PARP2: variants seen among roughly 807,000 people sequenced by gnomAD.
PARP2 encodes poly [ADP-ribose] polymerase 2.
In PARP2, 57 loss-of-function variants were observed where a neutral mutation model predicts 77.8. That is an observed-to-expected ratio of 0.73 (90% CI 0.59 to 0.91). The LOEUF (loss-of-function observed/expected upper bound fraction) is 0.91, where lower values mean the gene tolerates loss of function less well. PARP2 is among the 40% of genes least tolerant of loss of function. The probability of loss-of-function intolerance (pLI) is 0.00; values close to 1 mark genes in which losing one functional copy is unlikely to be tolerated. For synonymous variants in PARP2, 226 were observed against 242.6 expected (o/e 0.93, Z 0.64); for missense variants, 651 against 689.0 (o/e 0.94, Z 0.62).
intron 8 of PARP2, 183 bp from the exon 9 acceptor site, chr14:20,354,618 CCCAGGAGG>C (rs1398733169): frequency 6.9e-6 from 4 of 581,420 alleles, no homozygotes; most frequent in Non-Finnish European, 1.2e-5. Context: ...ATCACCGGAG[CCCAGGAGG>C]TTGAACTGCA....
intron 4 of PARP2, among the ~76,000 whole-genome samples, chr14:20,348,648 C>T (rs766759290): frequency 6.6e-6 from 1 of 152,200 alleles, no homozygotes; most frequent in Non-Finnish European, 1.5e-5. Flanking sequence ...ATTGATCCAA[C>T]ATATATAATT....
intron 6 of PARP2, among the ~76,000 whole-genome samples, chr14:20,351,801 G>A (rs1191440190): frequency 2.0e-5 from 3 of 151,956 alleles, no homozygotes; most frequent in Non-Finnish European, 4.4e-5. Flanking sequence ...ATTGCTTGAA[G>A]CTAGGAGTTT....
intron 3 of PARP2, among the ~76,000 whole-genome samples, chr14:20,346,289 C>G (rs1883714080): frequency 6.9e-6 from 1 of 145,394 alleles, no homozygotes. Flanking sequence ...AAGGCTACCT[C>G]TGGAATAAGT....
At chr14:20,355,388 C>T in intron 9 of PARP2, 1 of 185,192 alleles carries the variant, frequency 5.4e-6, no homozygotes, top group Non-Finnish European at 1.1e-5. Context: ...TTTATAGAGC[C>T]CCGTGACCTA....
rs935283796 is a variant in PARP2, at chr14:20,345,023, G to C, written c.138G>C (p.Glu46Asp). The C allele has an allele frequency of 3.7e-6, 6 of 1,613,690 alleles. No homozygotes were observed. In the Admixed American group the frequency reaches 6.7e-5, roughly 18 times the overall value. Reference sequence around the variant, plus strand: ...AAACTCGTAGATGCCAGAGACAGGAGTCGAAAAAGATGCCTGTGGCTGGAG... The same window carrying C: ...AAACTCGTAGATGCCAGAGACAGGACTCGAAAAAGATGCCTGTGGCTGGAG... ...AKKTRRCQRQ[E>D]SKKMPVAGGK... The change falls in exon 2 of 16, where the codon GAG becomes GAC. Residue 46 changes from glutamate to aspartate, a missense_variant. Coordinates refer to ENST00000429687, the MANE Select transcript of PARP2 (RefSeq NM_001042618.2).
chr14:20,348,048 A>G (rs533249855), intron 4 of PARP2, among the ~76,000 whole-genome samples: 3 of 151,936 alleles, frequency 2.0e-5, no homozygotes, highest in African/African-American at 7.2e-5. Context: ...TAATTTTTAA[A>G]TTTTTTATGG....
intron 11 of PARP2, 26 bp downstream of exon 11, chr14:20,356,057 A>G: frequency 1.9e-6 from 3 of 1,611,676 alleles, no homozygotes; most frequent in Non-Finnish European, 2.5e-6. Flanking sequence ...ATTTATTTTC[A>G]TATTCTTGCA....
At position 20,357,152 on chromosome 14, in the gene PARP2, G is replaced by A; in HGVS notation, c.1428+3G>A. ...CAGGACTGCTGCTCTTATCAGAGGT[G>A]AGACAGGAGTATGTCTGTGATCTCT... On this transcript the variant is annotated splice_donor_region_variant and intron_variant, in intron 14 of 15. Transcript: ENST00000429687. The A allele has an allele frequency of 2.6e-6, 4 of 1,510,238 alleles. No homozygotes were observed. The highest frequency in any genetic ancestry group is 3.7e-6 in the Non-Finnish European group (4 of 1,091,070). The allele number at this position is 1,510,238 out of a possible 1,614,324, so 93.6% of individuals were successfully genotyped here.
In PARP2 at chr14:20,357,671, T is replaced by C; in HGVS notation, c.1587T>C (p.Ser529=). The change falls in exon 16 of 16, where the codon AGT becomes AGC. Residue 529 remains serine, a synonymous_variant. Transcript: ENST00000429687. ...NGSTVPLGPA[S]DTGILNPDGY... ...GTACAGTGCCATTAGGACCAGCAAG[T>C]GACACAGGAATTCTGAATCCAGATG... The C allele has an allele frequency of 1.2e-6, 2 of 1,613,894 alleles. No homozygotes were observed. Among genetic ancestry groups the C allele is most frequent in the Non-Finnish European group, 1.7e-6 (2 of 1,179,952 alleles).
chr14:20,357,040 A>G lies in PARP2; in HGVS notation c.1330-11A>G. The G allele has an allele frequency of 6.5e-7, 1 of 1,539,182 alleles. No individual in the cohort carries two copies. Among genetic ancestry groups the G allele is most frequent in the Non-Finnish European group, 9.0e-7 (1 of 1,111,602 alleles). On this transcript the variant is annotated splice_polypyrimidine_tract_variant and intron_variant, in intron 13 of 15. Coordinates refer to ENST00000429687, the MANE Select transcript of PARP2 (RefSeq NM_001042618.2). ...TAGAAGCTGACCTTGGTATTCATGT[A>G]TATATTTCAGTTTGGGAAAGGAATC...
intron 1 of PARP2, 97 bp downstream of exon 1, chr14:20,343,784 A>C: frequency 7.5e-7 from 1 of 1,327,638 alleles, no homozygotes; most frequent in East Asian, 2.4e-5. Flanking sequence ...CCAGCTCCCT[A>C]TAACCTGCAC....
At position 20,352,351 on chromosome 14, in the gene PARP2, A is replaced by G; in HGVS notation, c.600+4A>G. On this transcript the variant is annotated splice_donor_region_variant and intron_variant, in intron 7 of 15. Coordinates refer to ENST00000429687, the MANE Select transcript of PARP2 (RefSeq NM_001042618.2). ...GGACTATGCCACCAATACTCAGGTA[A>G]CTCTCACTATACTTTTCGAAAGAAA... 1 of 1,514,282 alleles carries G rather than the reference A, an allele frequency of 6.6e-7. No homozygotes were observed. The highest frequency in any genetic ancestry group is 9.2e-7 in the Non-Finnish European group (1 of 1,090,512). 93.8% of individuals were successfully genotyped at this position (1,514,282 alleles called of 1,614,324 possible).
chr14:20,351,027 G>C lies in PARP2; in HGVS notation c.422-20G>C. On this transcript the variant is annotated intron_variant, in intron 5 of 15. Transcript: ENST00000429687. ...TGTTACTCTTAGGGAACTATCTTATGTGTGGCATTTCCTTTGCAGTTGGGA... is the reference window on the plus strand; with the variant it reads ...TGTTACTCTTAGGGAACTATCTTATCTGTGGCATTTCCTTTGCAGTTGGGA... The C allele has an allele frequency of 6.2e-7, 1 of 1,602,662 alleles. No homozygotes were observed. Among genetic ancestry groups the C allele is most frequent in the Non-Finnish European group, 8.5e-7 (1 of 1,169,736 alleles).
chr14:20,344,369 A>C, intron 1 of PARP2: 1 of 153,422 alleles, frequency 6.5e-6, no homozygotes, highest in East Asian at 1.9e-4. Flanking sequence ...TAAAACAGAT[A>C]AGCAGGCCTC....
chr14:20,355,506 A>G (rs962366055), intron 9 of PARP2: 2 of 300,404 alleles, frequency 6.7e-6, no homozygotes, highest in African/African-American at 4.4e-5. Flanking sequence ...ATTTTATAAA[A>G]AATAATTTTA....
At chr14:20,356,218 T>C in intron 11 of PARP2, 89 bp from the exon 12 acceptor site, 1 of 1,509,644 alleles carries the variant, frequency 6.6e-7, no homozygotes, top group Non-Finnish European at 9.0e-7. Flanking sequence ...CAGAAAGGTC[T>C]GCCAAGTTAT....
intron 4 of PARP2, among the ~76,000 whole-genome samples, chr14:20,348,072 G>A (rs546294114): frequency 1.3e-5 from 2 of 151,956 alleles, no homozygotes; most frequent in Non-Finnish European, 2.9e-5. Context: ...TGAGAATCTC[G>A]CTATGTTGGA....
At position 20,356,573 on chromosome 14, in the gene PARP2, T is replaced by C. The variant is rs1431082542; in HGVS notation, c.1230-17T>C. The C allele has an allele frequency of 3.1e-6, 5 of 1,609,996 alleles. No homozygotes were observed. The Admixed American group carries it at 8.3e-5, about 27-fold the overall frequency. On this transcript the variant is annotated splice_polypyrimidine_tract_variant and intron_variant, in intron 12 of 15. Coordinates refer to ENST00000429687, the MANE Select transcript of PARP2 (RefSeq NM_001042618.2). ...TGTGCAGAACAACAGAGTACAATAA[T>C]ATTGGCTTTTCCTTAGGATGCTTCT...
chr14:20,357,318 G>A, intron 14 of PARP2, 78 bp from the exon 15 acceptor site: 2 of 1,507,488 alleles, frequency 1.3e-6, no homozygotes, highest in Non-Finnish European at 1.8e-6. Context: ...AAAAAGTACT[G>A]ATGGGATTTT....
Sources: allele counts gnomAD v4.1 joint callset (sites outside exome capture counted in the v4.1 genomes callset), GRCh38; gene constraint gnomAD v4.1.1; transcripts MANE v1.5; gene names NCBI Gene and HGNC (gene_info 2026-07-23, HGNC 2026-07-21).